Variants in PXDNL observed in about 807,000 individuals in gnomAD.
PXDNL encodes probable oxidoreductase PXDNL.
Under a neutral mutation model 150.8 loss-of-function variants are expected in PXDNL, and 145 were observed. The ratio of observed to expected loss-of-function variants is 0.96; its 90% confidence interval spans 0.84 to 1.10. The LOEUF (loss-of-function observed/expected upper bound fraction) is 1.10. PXDNL is among the 50% of genes least tolerant of loss of function. PXDNL has a pLI of 0.00. For synonymous variants in PXDNL, 757 were observed against 725.7 expected (o/e 1.04, Z -0.69); for missense variants, 2,087 against 1,873.9 (o/e 1.11, Z -2.10).
rs1239049563 is a variant in PXDNL, at chr8:51,800,118, AAC to A, written c.164+9061_164+9062del. On this transcript the variant is annotated intron_variant, in intron 1 of 22. Transcript: ENST00000356297. ...TTTCAGTCCAGGCAACTCCCTGTTAAACACAGAGTGGTCCACAGCACTCTTAG... is the reference window on the plus strand; with the variant it reads ...TTTCAGTCCAGGCAACTCCCTGTTAAACAGAGTGGTCCACAGCACTCTTAG... 4.6e-5 allele frequency among the ~76,000 whole-genome samples: 7 copies of A among 152,226 alleles called. No homozygotes were observed. In the East Asian group the frequency reaches 5.8e-4, roughly 13 times the overall value.
chr8:51,437,618 G>A (rs990671366), intron 12 of PXDNL, among the ~76,000 whole-genome samples: 3 of 152,132 alleles, frequency 2.0e-5, no homozygotes, highest in African/African-American at 7.2e-5. Flanking sequence ...TGCAGAAAAA[G>A]CATTTGACAA....
At chr8:51,374,850 G>T (rs770410210) in intron 17 of PXDNL, 119 bp from the exon 18 acceptor site, 58 of 1,185,312 alleles carry the variant, frequency 4.9e-5, no homozygotes, top group Non-Finnish European at 6.5e-5. Flanking sequence ...AAGTAGATAT[G>T]ATTACTGTAT....
At chr8:51,366,825 G>A (rs553395513) in intron 19 of PXDNL, among the ~76,000 whole-genome samples, 1 of 152,126 alleles carries the variant, frequency 6.6e-6, no homozygotes, top group East Asian at 1.9e-4. Context: ...CAAATAAACC[G>A]GGTGTGGTGG....
chr8:51,420,915 C>G (rs1808933754), intron 14 of PXDNL, among the ~76,000 whole-genome samples: 1 of 152,182 alleles, frequency 6.6e-6, no homozygotes, highest in Admixed American at 6.5e-5. Context: ...GTCTCGAACT[C>G]CTGACATTGT....
intron 4 of PXDNL, among the ~76,000 whole-genome samples, chr8:51,546,567 C>T (rs965973816): frequency 1.3e-5 from 2 of 152,202 alleles, no homozygotes; most frequent in African/African-American, 4.8e-5. Context: ...GTAAAGGAAG[C>T]TCCTAGTTGA....
At chr8:51,356,793 A>G (rs1806523196) in intron 19 of PXDNL, among the ~76,000 whole-genome samples, 1 of 152,186 alleles carries the variant, frequency 6.6e-6, no homozygotes, top group South Asian at 2.1e-4. Context: ...CCAATCAAAC[A>G]ACATTTTGAA....
chr8:51,798,466 G>C (rs892357689), intron 1 of PXDNL, among the ~76,000 whole-genome samples: 8 of 152,038 alleles, frequency 5.3e-5, no homozygotes, highest in African/African-American at 1.9e-4. Flanking sequence ...AAATCTGCAA[G>C]GAACTTAAAC....
intron 1 of PXDNL, among the ~76,000 whole-genome samples, chr8:51,728,148 G>T (rs1188292779): frequency 6.6e-6 from 1 of 152,202 alleles, no homozygotes; most frequent in African/African-American, 2.4e-5. Context: ...CATCACCAAA[G>T]TAAGGTCATT....
intron 17 of PXDNL, among the ~76,000 whole-genome samples, chr8:51,380,399 C>T (rs1457888378): frequency 6.6e-6 from 1 of 152,188 alleles, no homozygotes; most frequent in Non-Finnish European, 1.5e-5. Flanking sequence ...ATAAGTATAT[C>T]ATTTGTGGGA....
chr8:51,330,000 G>T (rs1246435370), intron 21 of PXDNL, among the ~76,000 whole-genome samples: 1 of 152,180 alleles, frequency 6.6e-6, no homozygotes, highest in Non-Finnish European at 1.5e-5. Context: ...AACCAGGAGT[G>T]CTGAGGGCAG....
At chr8:51,659,865 T>G (rs1815230759) in intron 1 of PXDNL, among the ~76,000 whole-genome samples, 1 of 113,750 alleles carries the variant, frequency 8.8e-6, no homozygotes, top group Admixed American at 9.0e-5. Flanking sequence ...CAGTATTTAT[T>G]TATTTATTTA....
intron 2 of PXDNL, among the ~76,000 whole-genome samples, chr8:51,606,182 C>T (rs950428258): frequency 1.3e-5 from 2 of 152,114 alleles, no homozygotes; most frequent in Non-Finnish European, 2.9e-5. Context: ...CATATACGTG[C>T]CATGAGAGGC....
intron 8 of PXDNL, among the ~76,000 whole-genome samples, chr8:51,471,027 A>AT (rs1367165102): frequency 6.6e-6 from 1 of 151,060 alleles, no homozygotes; most frequent in Admixed American, 6.6e-5. Context: ...GCAAAAAAAA[A>AT]AACTGTCATC....
At chr8:51,369,592 A>C (rs1807031365) in intron 19 of PXDNL, among the ~76,000 whole-genome samples, 2 of 152,144 alleles carry the variant, frequency 1.3e-5, no homozygotes, top group African/African-American at 4.8e-5. Flanking sequence ...TACATCAGGC[A>C]TATTCATATC....
chr8:51,659,857 G>GTATTTATTTATTTATT (rs35068146), intron 1 of PXDNL, among the ~76,000 whole-genome samples: 1 of 145,940 alleles, frequency 6.9e-6, no homozygotes, highest in Non-Finnish European at 1.5e-5. Flanking sequence ...ACAAATTGCA[G>GTATTTATTTATTTATT]TATTTATTTA....
At chr8:51,535,087 G>A (rs1475870193) in intron 4 of PXDNL, among the ~76,000 whole-genome samples, 1 of 119,454 alleles carries the variant, frequency 8.4e-6, no homozygotes, top group Non-Finnish European at 1.7e-5. Flanking sequence ...CCGTCCGGGA[G>A]GGTGGTGGGG....
chr8:51,353,178 C>A (rs1051787413), intron 19 of PXDNL, among the ~76,000 whole-genome samples: 4 of 149,102 alleles, frequency 2.7e-5, no homozygotes, highest in Non-Finnish European at 5.9e-5. Context: ...TATATTATAC[C>A]TATATAATAC....
chr8:51,510,993 T>C (rs1464316512), intron 4 of PXDNL, among the ~76,000 whole-genome samples: 1 of 152,160 alleles, frequency 6.6e-6, no homozygotes, highest in African/African-American at 2.4e-5. Flanking sequence ...ATGTGTTAGC[T>C]ATGAGGATGC....
chr8:51,680,794 A>C (rs1405717415), intron 1 of PXDNL, among the ~76,000 whole-genome samples: 2 of 152,136 alleles, frequency 1.3e-5, no homozygotes, highest in Admixed American at 6.5e-5. Flanking sequence ...TTTCTTGTCA[A>C]ATTGTTTCTG....
Sources: allele counts gnomAD v4.1 joint callset (sites outside exome capture counted in the v4.1 genomes callset), GRCh38; gene constraint gnomAD v4.1.1; transcripts MANE v1.5; gene names NCBI Gene and HGNC (gene_info 2026-07-23, HGNC 2026-07-21).